SPAG16: variants seen among roughly 807,000 people sequenced by gnomAD.
SPAG16 encodes sperm associated antigen 16, also known as sperm-associated antigen 16 protein.
In SPAG16, 86 loss-of-function variants were observed where a neutral mutation model predicts 80.4. That is an observed-to-expected ratio of 1.07 (90% CI 0.90 to 1.28). The LOEUF (loss-of-function observed/expected upper bound fraction) is 1.28, where lower values mean the gene tolerates loss of function less well. Ranked by LOEUF, SPAG16 falls within the 50% of genes most tolerant of loss-of-function variation. SPAG16 has a pLI of 0.00. For synonymous variants in SPAG16, 294 were observed against 265.9 expected, an observed-to-expected ratio of 1.11 and a Z score of -1.03; for missense variants, 870 against 765.3, an observed-to-expected ratio of 1.14 and a Z score of -1.61.
chr2:214,198,536 T>C (rs114385116), intron 15 of SPAG16, among the ~76,000 whole-genome samples: 10,388 of 152,214 alleles, frequency 0.068, 489 homozygotes, highest in Non-Finnish European at 0.096. Context: ...ATATCTGAAA[T>C]TGTGAACTGT....
At chr2:213,752,123 C>T (rs1419457897) in intron 10 of SPAG16, among the ~76,000 whole-genome samples, 1 of 152,114 alleles carries the variant, frequency 6.6e-6, no homozygotes, top group East Asian at 1.9e-4. Context: ...TACTTCATAT[C>T]TCTGAATAAC....
At chr2:214,256,945 AT>A (rs1690732990) in intron 15 of SPAG16, among the ~76,000 whole-genome samples, 1 of 151,854 alleles carries the variant, frequency 6.6e-6, no homozygotes. Context: ...CATCTTGTCA[AT>A]TTGTTTAAAA....
chr2:214,324,863 C>A (rs1017967505), intron 15 of SPAG16, among the ~76,000 whole-genome samples: 2 of 151,660 alleles, frequency 1.3e-5, no homozygotes, highest in Admixed American at 1.3e-4. Context: ...ATTTATTTTG[C>A]AAATAAACAA....
intron 15 of SPAG16, among the ~76,000 whole-genome samples, chr2:214,259,097 T>A (rs1037826568): frequency 2.0e-5 from 3 of 152,036 alleles, no homozygotes; most frequent in South Asian, 4.2e-4. Context: ...GTATATCATT[T>A]TTATTTGTAT....
intron 10 of SPAG16, among the ~76,000 whole-genome samples, chr2:213,714,720 C>T (rs1242680819): frequency 2.0e-5 from 3 of 152,086 alleles, no homozygotes; most frequent in Non-Finnish European, 4.4e-5. Context: ...ATTCATAACA[C>T]TCTGCATTTC....
intron 6 of SPAG16, among the ~76,000 whole-genome samples, chr2:213,343,732 C>G (rs1480910540): frequency 6.6e-6 from 1 of 151,900 alleles, no homozygotes; most frequent in Admixed American, 6.6e-5. Context: ...GAAGATTGGA[C>G]ATTGCCAATG....
At chr2:213,316,901 T>A (rs1039815649) in intron 4 of SPAG16, among the ~76,000 whole-genome samples, 1 of 152,002 alleles carries the variant, frequency 6.6e-6, no homozygotes, top group Non-Finnish European at 1.5e-5. Context: ...ATAGAACTTA[T>A]CACCCTCCCC....
chr2:213,579,476 A>T (rs1233839251), intron 10 of SPAG16, among the ~76,000 whole-genome samples: 1 of 152,168 alleles, frequency 6.6e-6, no homozygotes, highest in Admixed American at 6.6e-5. Flanking sequence ...TGTACCTAAT[A>T]ATTGACAATT....
chr2:214,282,794 C>T (rs200405141), intron 15 of SPAG16, among the ~76,000 whole-genome samples: 1 of 152,088 alleles, frequency 6.6e-6, no homozygotes, highest in African/African-American at 2.4e-5. Flanking sequence ...AGTGCTGGAA[C>T]CAGATTTCAA....
intron 12 of SPAG16, among the ~76,000 whole-genome samples, chr2:213,974,730 C>G (rs1482214142): frequency 6.6e-6 from 1 of 151,908 alleles, no homozygotes; most frequent in African/African-American, 2.4e-5. Context: ...CGTCTGCCAG[C>G]CTGTCAGTTA....
chr2:213,318,009 C>A (rs1225415635), intron 5 of SPAG16: 1 of 152,090 alleles, frequency 6.6e-6, no homozygotes, highest in African/African-American at 2.4e-5. Context: ...ACAGGTTGAA[C>A]TAATTTACAT....
At chr2:213,966,536 G>T (rs925641045) in intron 12 of SPAG16, among the ~76,000 whole-genome samples, 5 of 152,050 alleles carry the variant, frequency 3.3e-5, no homozygotes, top group African/African-American at 1.2e-4. Context: ...TAAAGTGAAA[G>T]AAATTTTTAA....
intron 15 of SPAG16, among the ~76,000 whole-genome samples, chr2:214,337,636 G>C (rs1697390157): frequency 6.6e-6 from 1 of 152,158 alleles, no homozygotes; most frequent in South Asian, 2.1e-4. Flanking sequence ...TTTTTTACAG[G>C]AAAGTGCATG....
chr2:214,154,502 C>A (rs1277051149), intron 15 of SPAG16, among the ~76,000 whole-genome samples: 4 of 137,524 alleles, frequency 2.9e-5, no homozygotes, highest in Admixed American at 7.3e-5. Flanking sequence ...TATCAGACCC[C>A]CCCCCCCCAT....
At chr2:213,983,239 T>A (rs2106424738) in intron 12 of SPAG16, among the ~76,000 whole-genome samples, 1 of 152,098 alleles carries the variant, frequency 6.6e-6, no homozygotes, top group East Asian at 1.9e-4. Flanking sequence ...TATATACCAA[T>A]CATTTTCAGG....
intron 10 of SPAG16, among the ~76,000 whole-genome samples, chr2:213,614,887 A>G (rs557463096): frequency 6.6e-6 from 1 of 152,280 alleles, no homozygotes; most frequent in African/African-American, 2.4e-5. Flanking sequence ...GTTCCATAAC[A>G]TTTTACCCAA....
intron 14 of SPAG16, among the ~76,000 whole-genome samples, chr2:214,119,811 T>A (rs749446769): frequency 6.6e-6 from 1 of 152,116 alleles, no homozygotes; most frequent in Non-Finnish European, 1.5e-5. Context: ...GGTAGTAAAC[T>A]TTTTTTGGTC....
At chr2:213,771,195 A>G (rs1185189343) in intron 10 of SPAG16, among the ~76,000 whole-genome samples, 1 of 152,146 alleles carries the variant, frequency 6.6e-6, no homozygotes. Context: ...TTTGTTTTAC[A>G]TTTCTCTAAT....
chr2:213,971,866 T>A (rs1371694249), intron 12 of SPAG16, among the ~76,000 whole-genome samples: 2 of 151,794 alleles, frequency 1.3e-5, no homozygotes, highest in Non-Finnish European at 2.9e-5. Flanking sequence ...ATGTGCTATT[T>A]TCTTGTTTTT....
Sources: allele counts gnomAD v4.1 joint callset (sites outside exome capture counted in the v4.1 genomes callset), GRCh38; gene constraint gnomAD v4.1.1; transcripts MANE v1.5; gene names NCBI Gene and HGNC (gene_info 2026-07-23, HGNC 2026-07-21).